DMD: variants seen among roughly 807,000 people sequenced by gnomAD.
DMD encodes the protein dystrophin, also known as mutant dystrophin.
In DMD, 63 loss-of-function variants were observed where a neutral mutation model predicts 330.1. The ratio of observed to expected loss-of-function variants is 0.19; its 90% CI spans 0.16 to 0.24. The LOEUF is 0.24. Ranked by LOEUF, DMD falls within the 10% of genes least tolerant of loss-of-function variation. The probability of loss-of-function intolerance (pLI) is 1.00; values close to 1 mark genes in which losing one functional copy is unlikely to be tolerated. For missense variants in DMD, 3,344 were observed against 2,684.1 expected (o/e 1.25, Z -5.43); for synonymous variants, 1,223 against 959.8 (o/e 1.27, Z -5.07).
chrX:31,433,048 C>T (rs1016116848), intron 60 of DMD, among the ~76,000 whole-genome samples: 1 of 111,705 alleles, frequency 9.0e-6, no homozygotes, highest in Non-Finnish European at 1.9e-5. Flanking sequence ...CAGCCCTTGT[C>T]CCACACCCTC....
intron 21 of DMD, among the ~76,000 whole-genome samples, chrX:32,482,818 C>G (rs191738396): frequency 2.7e-5 from 3 of 110,332 alleles, no homozygotes; most frequent in Admixed American, 1.9e-4. Context: ...TTATTTTCTT[C>G]TATCACTTAT....
chrX:32,548,028 T>C (rs905414891), intron 16 of DMD, among the ~76,000 whole-genome samples: 1 of 111,802 alleles, frequency 8.9e-6, no homozygotes, highest in Admixed American at 9.5e-5. Flanking sequence ...TTGCTAGAAG[T>C]AGATATAACT....
At chrX:31,850,043 G>T (rs192227102) in intron 48 of DMD, among the ~76,000 whole-genome samples, 81 of 110,320 alleles carry the variant, frequency 7.3e-4, no homozygotes, top group African/African-American at 2.5e-3. Flanking sequence ...CTCTCCCTCC[G>T]CCCAACCTCC....
At chrX:31,922,686 A>G (rs1302325849) in intron 47 of DMD, among the ~76,000 whole-genome samples, 4 of 111,630 alleles carry the variant, frequency 3.6e-5, no homozygotes, top group Admixed American at 9.5e-5. Flanking sequence ...AATTCCACAA[A>G]TTTGGTCATA....
At chrX:31,444,159 C>T (rs1006325557) in intron 60 of DMD, among the ~76,000 whole-genome samples, 2 of 110,949 alleles carry the variant, frequency 1.8e-5, no homozygotes, top group Admixed American at 9.6e-5. Flanking sequence ...CTGACGCCCT[C>T]GCCAGAAGCA....
At chrX:31,133,383 CAG>C (rs2034771344) in intron 77 of DMD, among the ~76,000 whole-genome samples, 1 of 111,910 alleles carries the variant, frequency 8.9e-6, no homozygotes, top group Non-Finnish European at 1.9e-5. Context: ...CAGAAACGAA[CAG>C]TAGCAGCAAA....
intron 50 of DMD, among the ~76,000 whole-genome samples, chrX:31,787,615 A>T (rs1283077558): frequency 9.0e-6 from 1 of 111,567 alleles, no homozygotes; most frequent in Non-Finnish European, 1.9e-5. Context: ...GACAAATTCA[A>T]CTGCTGAAGT....
intron 42 of DMD, among the ~76,000 whole-genome samples, chrX:32,300,711 C>A (rs1239824991): frequency 9.0e-6 from 1 of 110,746 alleles, no homozygotes; most frequent in Non-Finnish European, 1.9e-5. Context: ...TCTCTTAGTT[C>A]AAAATATATG....
At chrX:32,546,384 T>A (rs1412746095) in intron 16 of DMD, among the ~76,000 whole-genome samples, 2 of 108,990 alleles carry the variant, frequency 1.8e-5, no homozygotes, top group African/African-American at 6.7e-5. Context: ...TCTGGCTGGG[T>A]CAAGATTCAT....
At chrX:32,828,420 A>C (rs1248299037) in intron 4 of DMD, among the ~76,000 whole-genome samples, 1 of 108,735 alleles carries the variant, frequency 9.2e-6, no homozygotes, top group East Asian at 2.9e-4. Context: ...AACAATTCAC[A>C]GGATGTATAT....
intron 47 of DMD, among the ~76,000 whole-genome samples, chrX:31,915,429 T>TG (rs1327497809): frequency 3.6e-5 from 4 of 111,631 alleles, no homozygotes; most frequent in Non-Finnish European, 7.5e-5. Flanking sequence ...CATGGAAACT[T>TG]GGGGTATTTT....
intron 44 of DMD, among the ~76,000 whole-genome samples, chrX:32,175,206 G>T (rs747511126): frequency 1.8e-5 from 2 of 111,236 alleles, no homozygotes; most frequent in South Asian, 7.8e-4. Context: ...GTCGAGTGGG[G>T]ACTTGGGGAA....
In DMD at chrX:32,503,687, C is replaced by G. The variant is rs750518650; in HGVS notation, c.2293-1845G>C. On this transcript the variant is annotated intron_variant, in intron 18 of 78. Coordinates refer to ENST00000357033, the MANE Select transcript of DMD (RefSeq NM_004006.3). ...TCTCCTGCTTCAGCCTCCCGAGTAGCCGGGATTACAGGCGTGCACCACCAC... is the reference window on the plus strand; with the variant it reads ...TCTCCTGCTTCAGCCTCCCGAGTAGGCGGGATTACAGGCGTGCACCACCAC... Among the ~76,000 whole-genome samples, 38 of 110,354 alleles carry G rather than the reference C, an allele frequency of 3.4e-4. No homozygotes were observed. The East Asian group carries it at 8.9e-3, about 26-fold the overall frequency.
intron 11 of DMD, among the ~76,000 whole-genome samples, chrX:32,625,425 CA>C (rs2058285150): frequency 9.0e-6 from 1 of 111,450 alleles, no homozygotes; most frequent in South Asian, 3.7e-4. Context: ...TTGGACAGCA[CA>C]GCTATAAACC....
At chrX:31,242,804 G>C (rs765441953) in intron 63 of DMD, among the ~76,000 whole-genome samples, 4 of 108,931 alleles carry the variant, frequency 3.7e-5, no homozygotes, top group Non-Finnish European at 7.6e-5. Context: ...ACCTTGAAAA[G>C]CAAAATGGGT....
At chrX:33,271,987 G>A (rs1193842684) in intron 1 of DMD, among the ~76,000 whole-genome samples, 3 of 109,283 alleles carry the variant, frequency 2.7e-5, no homozygotes, top group Non-Finnish European at 5.7e-5. Flanking sequence ...GGGTTCAAGC[G>A]ATTCTCCTGC....
chrX:33,179,241 A>C (rs900886727), intron 1 of DMD, among the ~76,000 whole-genome samples: 4 of 112,014 alleles, frequency 3.6e-5, no homozygotes, highest in African/African-American at 1.3e-4. Flanking sequence ...AGTAACTTGC[A>C]TCAGTTTCTA....
At chrX:33,091,125 C>A (rs759649584) in intron 1 of DMD, among the ~76,000 whole-genome samples, 1 of 110,744 alleles carries the variant, frequency 9.0e-6, no homozygotes, top group African/African-American at 3.3e-5. Context: ...AGTTTGTGAG[C>A]GAAGGTTTGC....
At chrX:31,345,756 C>T (rs777137286) in intron 61 of DMD, among the ~76,000 whole-genome samples, 1 of 111,699 alleles carries the variant, frequency 9.0e-6, no homozygotes, top group African/African-American at 3.3e-5. Context: ...CTAAAAGCCA[C>T]GATCCCACTC....
Sources: allele counts gnomAD v4.1 joint callset (sites outside exome capture counted in the v4.1 genomes callset), GRCh38; gene constraint gnomAD v4.1.1; transcripts MANE v1.5; gene names NCBI Gene and HGNC (gene_info 2026-07-23, HGNC 2026-07-21).